Variants in EOGT observed in about 807,000 individuals in gnomAD.
The protein encoded by EOGT is EGF domain specific O-linked N-acetylglucosamine transferase.
Under a neutral mutation model 70.5 loss-of-function variants are expected in EOGT, and 55 were observed. The observed-to-expected ratio is 0.78, with a 90% confidence interval of 0.63 to 0.98. The LOEUF is 0.98. Ranked by LOEUF, EOGT falls within the 50% of genes least tolerant of loss-of-function variation. The pLI is 0.00. For synonymous variants in EOGT, 246 were observed against 217.1 expected (o/e 1.13, Z -1.17); for missense variants, 703 against 641.9 (o/e 1.10, Z -1.03).
At chr3:68,980,764 C>T (rs1260558497) in intron 15 of EOGT, among the ~76,000 whole-genome samples, 3 of 152,216 alleles carry the variant, frequency 2.0e-5, no homozygotes, top group Non-Finnish European at 2.9e-5. Context: ...AAGGGAAGGA[C>T]GGCCATTCAC....
chr3:68,999,818 A>T (rs1370463163), intron 9 of EOGT, among the ~76,000 whole-genome samples: 1 of 152,210 alleles, frequency 6.6e-6, no homozygotes, highest in Non-Finnish European at 1.5e-5. Context: ...TTGGGGTTGC[A>T]AGAATTTATA....
chr3:68,989,103 C>A (rs2090902884), intron 10 of EOGT, 86 bp from the exon 11 acceptor site: 4 of 736,006 alleles, frequency 5.4e-6, no homozygotes, highest in Non-Finnish European at 8.6e-6. Flanking sequence ...CCTGAATTTG[C>A]CTGTGTTAAA....
chr3:68,996,613 C>T (rs1442426900), intron 10 of EOGT, among the ~76,000 whole-genome samples: 1 of 152,198 alleles, frequency 6.6e-6, no homozygotes, highest in Admixed American at 6.5e-5. Context: ...TATGAGGCTC[C>T]TAAGCCAAGG....
At chr3:69,005,566 C>T (rs2091418852) in intron 6 of EOGT, among the ~76,000 whole-genome samples, 1 of 152,130 alleles carries the variant, frequency 6.6e-6, no homozygotes, top group Admixed American at 6.5e-5. Flanking sequence ...TCCAGTACTA[C>T]TACCCCCACA....
chr3:68,997,915 T>C (rs954062152), intron 10 of EOGT, 96 bp downstream of exon 10: 14 of 726,374 alleles, frequency 1.9e-5, no homozygotes, highest in Non-Finnish European at 3.0e-5. Flanking sequence ...CATGTTGAAA[T>C]ATATGTGTCT....
chr3:69,008,454 TG>T lies in EOGT; in HGVS notation c.284del (p.Pro95GlnfsTer69), dbSNP rs1370260424. 1 of 1,614,104 alleles carries T rather than the reference TG, an allele frequency of 6.2e-7. No homozygotes were observed. The highest frequency in any genetic ancestry group is 8.5e-7 in the Non-Finnish European group (1 of 1,179,962). On this transcript the variant is annotated frameshift_variant, in exon 5 of 18. Coordinates refer to ENST00000383701, the MANE Select transcript of EOGT (RefSeq NM_001278689.2). LOFTEE classifies it high-confidence loss of function. ...ATCCCATGTCGACATAGCTGCAAAC[TG>T]GGTAACCAAACCTGAACTCTGGTTT... ...SCKPEFRFGY[P>X]VCSYVDMGWT...
At position 68,979,678 on chromosome 3, in the gene EOGT, C is replaced by T. The variant is rs781034233; in HGVS notation, c.1324G>A (p.Val442Ile). The T allele has an allele frequency of 3.1e-6, 5 of 1,613,814 alleles. No individual in the cohort carries two copies. In the South Asian group the frequency reaches 3.3e-5, roughly 11 times the overall value. ...HLLFLPDWAAVFELYNCEDER... is the reference protein window; with the variant it reads ...HLLFLPDWAAIFELYNCEDER... ...CCTCCCAACACTTACAGTTCAAATA[C>T]AGCAGCCCAGTCTGGAAGGAAAAGT... is the stretch of plus-strand genomic sequence containing the variant. Residue 442 changes from valine to isoleucine, a missense_variant, in exon 16 of 18, where the codon GTA (valine) becomes ATA (isoleucine). Transcript: ENST00000383701.
intron 9 of EOGT, among the ~76,000 whole-genome samples, chr3:68,998,793 C>T (rs552825990): frequency 5.5e-5 from 8 of 145,980 alleles, no homozygotes; most frequent in East Asian, 4.0e-4. Context: ...ACCAAGATCA[C>T]ACCACTGCAC....
intron 15 of EOGT, among the ~76,000 whole-genome samples, chr3:68,981,780 ATC>A (rs2090648099): frequency 6.6e-6 from 1 of 152,162 alleles, no homozygotes; most frequent in African/African-American, 2.4e-5. Context: ...AGATGTTGAA[ATC>A]TGGCAGGAGG....
chr3:68,997,953 G>T, intron 10 of EOGT, 58 bp downstream of exon 10: 1 of 1,015,200 alleles, frequency 9.9e-7, no homozygotes, highest in Non-Finnish European at 1.5e-6. Flanking sequence ...CAACATCAGA[G>T]TCACACACTG....
intron 10 of EOGT, 116 bp downstream of exon 10, chr3:68,997,895 T>C: frequency 1.5e-6 from 1 of 652,030 alleles, no homozygotes; most frequent in South Asian, 2.1e-5. Flanking sequence ...CCGCATTATG[T>C]GCGGCTGTAC....
chr3:68,998,026 G>T lies in EOGT; in HGVS notation c.816C>A (p.Ile272=). The change falls in exon 10 of 18, where the codon ATC becomes ATA. Residue 272 remains isoleucine, a synonymous_variant. Coordinates refer to ENST00000383701, the MANE Select transcript of EOGT (RefSeq NM_001278689.2). ...TCTTACTTACGGTGTCCCACATCACGATGTACACGTCAGTACTGAATGAGT... is the reference window on the plus strand; with the variant it reads ...TCTTACTTACGGTGTCCCACATCACTATGTACACGTCAGTACTGAATGAGT... ...VNNSFSTDVY[I]VMWDTSSYGY... The T allele has an allele frequency of 6.4e-7, 1 of 1,556,474 alleles. No individual in the cohort carries two copies. Among genetic ancestry groups the T allele is most frequent in the Non-Finnish European group, 8.7e-7 (1 of 1,145,656 alleles).
At chr3:69,008,926 A>G (rs898295794) in intron 4 of EOGT, among the ~76,000 whole-genome samples, 5 of 152,264 alleles carry the variant, frequency 3.3e-5, no homozygotes, top group Non-Finnish European at 1.5e-5. Context: ...TGAATCAATC[A>G]GCAACTTCAC....
chr3:68,980,102 A>G (rs913549695), intron 15 of EOGT, among the ~76,000 whole-genome samples: 1 of 152,232 alleles, frequency 6.6e-6, no homozygotes, highest in African/African-American at 2.4e-5. Flanking sequence ...AAAAATTGAT[A>G]TAATCAAACT....
rs780069928 is a variant in EOGT, at chr3:68,979,798, A to T, written c.1215-11T>A. ...AAAAACCCAAGTTCTCTGTGAACATACAGAATAACATGAGAGAGATGGGGA... is the reference window on the plus strand; with the variant it reads ...AAAAACCCAAGTTCTCTGTGAACATTCAGAATAACATGAGAGAGATGGGGA... On this transcript the variant is annotated splice_polypyrimidine_tract_variant and intron_variant, in intron 15 of 17. Transcript: ENST00000383701. 6.2e-7 allele frequency: 1 copy of T among 1,612,106 alleles called. No homozygotes were observed. Among genetic ancestry groups the T allele is most frequent in the Non-Finnish European group, 8.5e-7 (1 of 1,178,464 alleles).
Position 69,007,800 on chromosome 3 carries a change from A to G in EOGT, c.333T>C (p.Ala111=), listed in dbSNP as rs2091477504. 1.1e-5 allele frequency: 18 copies of G among 1,612,208 alleles called. No individual in the cohort carries two copies. The highest frequency in any genetic ancestry group is 1.5e-5 in the Non-Finnish European group (18 of 1,178,952). The change falls in exon 6 of 18, where the codon GCT becomes GCC. Residue 111 remains alanine, a synonymous_variant. Transcript: ENST00000383701. ...DMGWTDTLES[A]EDIFWKQADF... is the part of the protein sequence containing the mutation. Reference sequence around the variant, plus strand: ...CAGCTTGTTTCCAAAATATGTCCTCAGCTGACTCAAGAGTGTCCGTCCTAT... The same window carrying G: ...CAGCTTGTTTCCAAAATATGTCCTCGGCTGACTCAAGAGTGTCCGTCCTAT...
intron 13 of EOGT, 103 bp from the exon 14 acceptor site, chr3:68,987,616 C>A (rs2090853339): frequency 4.8e-6 from 4 of 825,748 alleles, no homozygotes; most frequent in East Asian, 5.2e-5. Flanking sequence ...GAAACTCAAC[C>A]AGGATACATT....
chr3:68,998,230 A>G (rs1416555615), intron 9 of EOGT, 116 bp from the exon 10 acceptor site: 2 of 640,196 alleles, frequency 3.1e-6, no homozygotes, highest in Non-Finnish European at 5.4e-6. Context: ...ATAAATGGGG[A>G]AAAAAATAAC....
Position 68,997,883 on chromosome 3 carries a change from A to C in EOGT, c.831+128T>G, listed in dbSNP as rs2091194251. On this transcript the variant is annotated intron_variant, in intron 10 of 17. Transcript: ENST00000383701. Reference sequence around the variant, plus strand: ...TATATGTACAGATACATTCGCACCCATCCGCATTATGTGCGGCTGTACATG... The same window carrying C: ...TATATGTACAGATACATTCGCACCCCTCCGCATTATGTGCGGCTGTACATG... The C allele has an allele frequency of 8.1e-6, 5 of 620,332 alleles. No homozygotes were observed. The South Asian group carries it at 1.1e-4, about 14-fold the overall frequency. The allele number at this position is 620,332 out of a possible 1,614,324, so 38.4% of individuals were successfully genotyped here. A position where few individuals can be genotyped will look rare whatever the true frequency, so the allele number is the denominator to read the frequency against.
Sources: allele counts gnomAD v4.1 joint callset (sites outside exome capture counted in the v4.1 genomes callset), GRCh38; gene constraint gnomAD v4.1.1; transcripts MANE v1.5; gene names NCBI Gene and HGNC (gene_info 2026-07-23, HGNC 2026-07-21).